Variants in IARS2 observed in about 807,000 individuals in gnomAD.
IARS2 encodes the protein isoleucyl-tRNA synthetase 2, mitochondrial.
In IARS2, 56 loss-of-function variants were observed where a neutral mutation model predicts 126.3. The observed-to-expected ratio is 0.44, with a 90% CI of 0.36 to 0.55. The LOEUF is 0.55. IARS2 is among the 20% of genes least tolerant of loss of function. IARS2 has a pLI of 0.00. For synonymous variants in IARS2, 407 were observed against 441.1 expected, an observed-to-expected ratio of 0.92 and a Z score of 0.97; for missense variants, 1,127 against 1,245.9, an observed-to-expected ratio of 0.90 and a Z score of 1.44.
At chr1:220,140,351 A>G in intron 19 of IARS2, 62 bp downstream of exon 19, 1 of 1,021,164 alleles carries the variant, frequency 9.8e-7, no homozygotes, top group Non-Finnish European at 1.5e-6. Flanking sequence ...CACGCCTGTA[A>G]TCCCAGCACT....
chr1:220,102,477 A>C lies in IARS2; in HGVS notation c.750-18A>C. ...GTGAGGCTTCCAAGTATTTATGTTT[A>C]ATATTTTTAACCCTTAGGACTGCAT... is the stretch of plus-strand genomic sequence containing the variant. On this transcript the variant is annotated intron_variant, in intron 5 of 22. Transcript: ENST00000366922. 1 of 1,610,656 alleles carries C rather than the reference A, an allele frequency of 6.2e-7. No homozygotes were observed. The highest frequency in any genetic ancestry group is 1.1e-5 in the South Asian group (1 of 90,530).
chr1:220,130,621 G>T (rs906850356), intron 14 of IARS2, among the ~76,000 whole-genome samples: 2 of 151,670 alleles, frequency 1.3e-5, no homozygotes, highest in Admixed American at 1.3e-4. Flanking sequence ...GCAGTGGCAC[G>T]ATCTTGGCTC....
In IARS2 at chr1:220,114,282, C is replaced by T. The variant is rs755443482; in HGVS notation, c.1480-32C>T. 9 of 1,589,510 alleles carry T rather than the reference C, an allele frequency of 5.7e-6. No homozygotes were observed. In the South Asian group the frequency reaches 9.9e-5, roughly 18 times the overall value. ...TTCTAGAATACTTGTTCTGCTTTCT[C>T]TCACAAGACTTGATTTATGAATTAA... On this transcript the variant is annotated intron_variant, in intron 11 of 22. Coordinates refer to ENST00000366922, the MANE Select transcript of IARS2 (RefSeq NM_018060.4).
In IARS2 at chr1:220,096,180, C is replaced by A. The variant is rs754664412; in HGVS notation, c.344C>A (p.Pro115His). The change falls in exon 2 of 23, where the codon CCT becomes CAT. Residue 115 changes from proline (P) to histidine (H), a missense_variant. Coordinates refer to ENST00000366922, the MANE Select transcript of IARS2 (RefSeq NM_018060.4). ...VKTEFCLHDG[P>H]PYANGDPHVG... ...ACAGAATTTTGCCTTCATGATGGAC[C>A]TCCTTATGCAAACGGTGACCCTCAT... 1 of 1,599,656 alleles carries A rather than the reference C, an allele frequency of 6.3e-7. No homozygotes were observed. Among genetic ancestry groups the A allele is most frequent in the Non-Finnish European group, 8.5e-7 (1 of 1,170,304 alleles).
chr1:220,133,638 C>A (rs1237517127), intron 14 of IARS2, among the ~76,000 whole-genome samples: 1 of 152,076 alleles, frequency 6.6e-6, no homozygotes, highest in Non-Finnish European at 1.5e-5. Flanking sequence ...TTATCAACGA[C>A]CTCATGTTAC....
Position 220,136,902 on chromosome 1 carries a change from T to C in IARS2, c.2040T>C (p.Asn680=), listed in dbSNP as rs1657388729. The C allele has an allele frequency of 1.3e-6, 2 of 1,592,734 alleles. No homozygotes were observed. Among genetic ancestry groups the C allele is most frequent in the African/African-American group, 1.3e-5 (1 of 74,524 alleles). ...GNVIHPDVVV[N]GGQDQSKEPP... ...TCATTCATCCTGATGTTGTCGTTAA[T>C]GGAGGACAAGTAGGTGATTCTCTAA... Residue 680 remains asparagine, a synonymous_variant, in exon 16 of 23, where the codon AAT becomes AAC. Coordinates refer to ENST00000366922, the MANE Select transcript of IARS2 (RefSeq NM_018060.4).
chr1:220,147,888 T>C lies in IARS2; in HGVS notation c.*253T>C. ...ATGGATATATGTATATCTCTTCCTATATATATCCATAGTGGACTTATTCAG... is the reference window on the plus strand; with the variant it reads ...ATGGATATATGTATATCTCTTCCTACATATATCCATAGTGGACTTATTCAG... On this transcript the variant is annotated 3_prime_UTR_variant, in exon 23 of 23. Transcript: ENST00000366922. 2.2e-6 allele frequency: 1 copy of C among 456,824 alleles called. No homozygotes were observed. Among genetic ancestry groups the C allele is most frequent in the Non-Finnish European group, 3.9e-6 (1 of 258,210 alleles). 28.3% of individuals were successfully genotyped at this position (456,824 alleles called of 1,614,324 possible).
intron 2 of IARS2, among the ~76,000 whole-genome samples, chr1:220,096,881 C>T (rs778738089): frequency 1.2e-4 from 18 of 152,068 alleles, no homozygotes; most frequent in Non-Finnish European, 1.8e-4. Context: ...CCCGTCTCTA[C>T]TAAAAATACA....
At chr1:220,121,939 AAG>A (rs1442040703) in intron 12 of IARS2, among the ~76,000 whole-genome samples, 1 of 152,086 alleles carries the variant, frequency 6.6e-6, no homozygotes, top group East Asian at 1.9e-4. Flanking sequence ...GAGGGGGGGA[AAG>A]AAAGCAGGGC....
At chr1:220,131,563 C>G (rs1243024003) in intron 14 of IARS2, among the ~76,000 whole-genome samples, 1 of 152,030 alleles carries the variant, frequency 6.6e-6, no homozygotes, top group African/African-American at 2.4e-5. Flanking sequence ...GTTGGTCAGG[C>G]TGGACTCAGA....
At chr1:220,120,686 T>C (rs1376738259) in intron 12 of IARS2, among the ~76,000 whole-genome samples, 1 of 152,178 alleles carries the variant, frequency 6.6e-6, no homozygotes, top group Non-Finnish European at 1.5e-5. Flanking sequence ...AAAATTAATT[T>C]ATTCAATTGA....
chr1:220,145,428 ATTTTATAGTGTTTCT>A, intron 21 of IARS2, 66 bp from the exon 22 acceptor site: 2 of 1,357,380 alleles, frequency 1.5e-6, no homozygotes, highest in Non-Finnish European at 2.0e-6. Context: ...TAAACGTGAG[ATTTTATAGTGTTTCT>A]TTTTATAACC....
chr1:220,111,439 G>A (rs1011999230), intron 11 of IARS2, among the ~76,000 whole-genome samples: 1 of 151,940 alleles, frequency 6.6e-6, no homozygotes, highest in African/African-American at 2.4e-5. Flanking sequence ...TACAAAGGAA[G>A]CATATTAAAA....
At chr1:220,135,812 ATTTTTTT>A (rs1282331832) in intron 15 of IARS2, among the ~76,000 whole-genome samples, 2 of 126,136 alleles carry the variant, frequency 1.6e-5, no homozygotes, top group Admixed American at 8.1e-5. Context: ...TTCATTTAAA[ATTTTTTT>A]TTTTTTTTTT....
intron 11 of IARS2, 147 bp from the exon 12 acceptor site, chr1:220,114,167 C>G: frequency 1.5e-6 from 1 of 650,108 alleles, no homozygotes. Flanking sequence ...TCTTTTAGTT[C>G]TTTAGTTGTT....
intron 12 of IARS2, chr1:220,117,943 G>T (rs771989646): frequency 2.0e-6 from 1 of 510,514 alleles, no homozygotes; most frequent in Non-Finnish European, 4.1e-6. Context: ...TCATTTTCCT[G>T]TATACCATTT....
chr1:220,111,893 G>T (rs1409338099), intron 11 of IARS2, among the ~76,000 whole-genome samples: 2 of 151,762 alleles, frequency 1.3e-5, no homozygotes, highest in Non-Finnish European at 2.9e-5. Context: ...ATTTGTCAAT[G>T]TTAAAATTTG....
chr1:220,136,983 T>C (rs1657390186), intron 16 of IARS2, 72 bp downstream of exon 16: 2 of 798,628 alleles, frequency 2.5e-6, no homozygotes, highest in African/African-American at 3.6e-5. Flanking sequence ...GCCCTTAATA[T>C]AGTTACTTCA....
chr1:220,117,390 G>A (rs189472315), intron 12 of IARS2, among the ~76,000 whole-genome samples: 1 of 151,632 alleles, frequency 6.6e-6, no homozygotes, highest in Non-Finnish European at 1.5e-5. Flanking sequence ...AGTAGAGACG[G>A]GGTTTCTCCA....
Sources: allele counts gnomAD v4.1 joint callset (sites outside exome capture counted in the v4.1 genomes callset), GRCh38; gene constraint gnomAD v4.1.1; transcripts MANE v1.5; gene names NCBI Gene and HGNC (gene_info 2026-07-23, HGNC 2026-07-21).